The following THUMPD2 variants were observed in gnomAD, a reference collection of about 807,000 sequenced individuals.
THUMPD2 encodes the protein THUMP domain 2 tRNA and snRNA guanosine methyltransferase.
Under a neutral mutation model 49.4 loss-of-function variants are expected in THUMPD2, and 56 were observed. The observed-to-expected ratio is 1.13, with a 90% CI of 0.91 to 1.41. The LOEUF is 1.41. THUMPD2 is among the 40% of genes most tolerant of loss of function. THUMPD2 has a pLI of 0.00. For missense variants in THUMPD2, 709 were observed against 594.5 expected, an observed-to-expected ratio of 1.19 and a Z score of -2.00; for synonymous variants, 237 against 205.2, an observed-to-expected ratio of 1.15 and a Z score of -1.32.
intron 6 of THUMPD2, among the ~76,000 whole-genome samples, chr2:39,756,909 G>GTAATAATAA (rs147238410): frequency 1.2e-4 from 17 of 143,616 alleles, no homozygotes; most frequent in South Asian, 4.5e-4. Context: ...AAGCTAAAAT[G>GTAATAATAA]TAATAATAAT....
At chr2:39,741,410 C>T (rs1354571768) in intron 9 of THUMPD2, among the ~76,000 whole-genome samples, 1 of 152,174 alleles carries the variant, frequency 6.6e-6, no homozygotes, top group Non-Finnish European at 1.5e-5. Context: ...ATGTGGTCTC[C>T]TTTTCAATTC....
intron 8 of THUMPD2, among the ~76,000 whole-genome samples, chr2:39,749,655 C>A (rs1416826573): frequency 1.3e-5 from 2 of 152,050 alleles, no homozygotes; most frequent in Non-Finnish European, 2.9e-5. Flanking sequence ...TATGGGTTTG[C>A]TACATAATGT....
rs767602843 is a variant in THUMPD2, at chr2:39,770,089, A to T, written c.293T>A (p.Ile98Lys). The T allele has an allele frequency of 1.3e-6, 2 of 1,531,008 alleles. No individual in the cohort carries two copies. The highest frequency in any genetic ancestry group is 1.7e-6 in the Non-Finnish European group (2 of 1,151,444). 94.8% of individuals were successfully genotyped at this position (1,531,008 alleles called of 1,614,324 possible). A position where few individuals can be genotyped will look rare whatever the true frequency, so the allele number is the denominator to read the frequency against. ...CAACCAACTTCCTGGATCTTCATTT[A>T]TAAGTCTTTGCATTTCATTAAATAT... ...GKIFNEMQRL[I>K]NEDPGSWLNA... Residue 98 changes from isoleucine (I) to lysine (K), a missense_variant, in exon 3 of 10, where the codon ATA becomes AAA. Coordinates refer to ENST00000505747, the MANE Select transcript of THUMPD2 (RefSeq NM_025264.5).
At chr2:39,758,196 T>C (rs1430693859) in intron 6 of THUMPD2, among the ~76,000 whole-genome samples, 1 of 152,222 alleles carries the variant, frequency 6.6e-6, no homozygotes, top group African/African-American at 2.4e-5. Context: ...TATATTTAAA[T>C]ACAAACTCTG....
Position 39,768,733 on chromosome 2 carries a change from C to A in THUMPD2, c.673-232G>T, listed in dbSNP as rs1429940363. 1.7e-5 allele frequency: 12 copies of A among 698,494 alleles called. No homozygotes were observed. In the East Asian group the frequency reaches 2.4e-4, roughly 14 times the overall value. 43.3% of individuals were successfully genotyped at this position (698,494 alleles called of 1,614,324 possible). On this transcript the variant is annotated intron_variant, in intron 3 of 9. Coordinates refer to ENST00000505747, the MANE Select transcript of THUMPD2 (RefSeq NM_025264.5). Reference sequence around the variant, plus strand: ...CCCATGGCATTAATGTCTACTCATGCATAATCTCTATCCTTGTAATTTTAG... The same window carrying A: ...CCCATGGCATTAATGTCTACTCATGAATAATCTCTATCCTTGTAATTTTAG...
chr2:39,774,620 T>C (rs938188478), intron 1 of THUMPD2, among the ~76,000 whole-genome samples: 6 of 152,208 alleles, frequency 3.9e-5, no homozygotes, highest in East Asian at 1.9e-4. Flanking sequence ...GTATGATACC[T>C]TAAAATAGTA....
At chr2:39,771,832 G>C (rs979539976) in intron 1 of THUMPD2, among the ~76,000 whole-genome samples, 192 bp from the exon 2 acceptor site, 1 of 152,148 alleles carries the variant, frequency 6.6e-6, no homozygotes, top group Non-Finnish European at 1.5e-5. Context: ...CTCTAAGGTA[G>C]ATTCGATCAC....
chr2:39,755,976 T>C lies in THUMPD2; in HGVS notation c.892-16A>G, dbSNP rs1468600818. The stretch of plus-strand genomic sequence containing the variant: ...ATGCACCAGCCTGCAGACAGAAATA[T>C]TAATTTGGTATTATTAAGACTACCA... On this transcript the variant is annotated splice_polypyrimidine_tract_variant and intron_variant, in intron 6 of 9. Transcript: ENST00000505747. The C allele has an allele frequency of 6.2e-7, 1 of 1,611,714 alleles. No homozygotes were observed. Among genetic ancestry groups the C allele is most frequent in the Admixed American group, 1.7e-5 (1 of 59,976 alleles).
chr2:39,769,142 C>A, intron 3 of THUMPD2: 1 of 1,260,510 alleles, frequency 7.9e-7, no homozygotes, highest in Non-Finnish European at 1.0e-6. Flanking sequence ...TGAAGAGAAA[C>A]CCCAAAAGCT....
At chr2:39,762,705 T>C (rs941204628) in intron 5 of THUMPD2, among the ~76,000 whole-genome samples, 4 of 151,100 alleles carry the variant, frequency 2.6e-5, no homozygotes, top group Non-Finnish European at 5.9e-5. Context: ...TAAAACAGTT[T>C]GCACTCTAGA....
At position 39,760,601 on chromosome 2, in the gene THUMPD2, G is replaced by C. The variant is rs549524248; in HGVS notation, c.891+730C>G. Reference sequence around the variant, plus strand: ...TCTCACTGAAAGAGAGACCATCAGAGTGGAGTAAAAATAGCTATGTGTTTG... The same window carrying C: ...TCTCACTGAAAGAGAGACCATCAGACTGGAGTAAAAATAGCTATGTGTTTG... On this transcript the variant is annotated intron_variant, in intron 6 of 9. Transcript: ENST00000505747. Among the ~76,000 whole-genome samples the C allele has an allele frequency of 2.0e-5, 3 of 152,222 alleles. No individual in the cohort carries two copies. The South Asian group carries it at 6.2e-4, about 32-fold the overall frequency.
rs779082504 is a variant in THUMPD2 at position 39,755,360 on chromosome 2, G to A, written c.1013C>T (p.Thr338Ile). The A allele has an allele frequency of 4.5e-6, 7 of 1,556,668 alleles. No individual in the cohort carries two copies. The highest frequency in any genetic ancestry group is 1.7e-4 in the Middle Eastern group (1 of 5,920). Reference protein sequence around the residue: ...ADVSDSQLLGTWDNLKAAGLE... With the variant: ...ADVSDSQLLGIWDNLKAAGLE... ...GCCTGCAGCTTTCAGATTGTCCCAAGTACCTAGTAACTGTGAGTCGCTGAC... is the reference window on the plus strand; with the variant it reads ...GCCTGCAGCTTTCAGATTGTCCCAAATACCTAGTAACTGTGAGTCGCTGAC... The change falls in exon 8 of 10, where the codon ACT becomes ATT. Residue 338 changes from threonine to isoleucine, a missense_variant. Transcript: ENST00000505747.
intron 9 of THUMPD2, among the ~76,000 whole-genome samples, chr2:39,739,390 C>T (rs1673589731): frequency 6.6e-6 from 1 of 152,178 alleles, no homozygotes; most frequent in African/African-American, 2.4e-5. Flanking sequence ...ATTCTTATCA[C>T]TCACGCCCCA....
intron 4 of THUMPD2, among the ~76,000 whole-genome samples, chr2:39,767,506 A>G (rs1677688283): frequency 6.9e-6 from 1 of 145,434 alleles, no homozygotes; most frequent in African/African-American, 2.5e-5. Flanking sequence ...TGGGAGGCTG[A>G]GGCAGGAGAA....
chr2:39,779,089 C>A, intron 1 of THUMPD2, 25 bp downstream of exon 1: 1 of 1,495,210 alleles, frequency 6.7e-7, no homozygotes. Flanking sequence ...CCCACCTCCC[C>A]AGGCGCGCAG....
intron 8 of THUMPD2, among the ~76,000 whole-genome samples, chr2:39,745,471 T>C (rs969666067): frequency 6.6e-6 from 1 of 152,234 alleles, no homozygotes; most frequent in African/African-American, 2.4e-5. Flanking sequence ...TGTTTTAACC[T>C]CATGGTTTTA....
chr2:39,757,038 G>T (rs900153359), intron 6 of THUMPD2, among the ~76,000 whole-genome samples: 1 of 151,964 alleles, frequency 6.6e-6, no homozygotes, highest in Non-Finnish European at 1.5e-5. Flanking sequence ...GATGAATAGG[G>T]AAGCCAAGAA....
chr2:39,751,063 A>G (rs555644185), intron 8 of THUMPD2, among the ~76,000 whole-genome samples: 5 of 152,310 alleles, frequency 3.3e-5, no homozygotes, highest in East Asian at 3.9e-4. Flanking sequence ...CTTATCCCCT[A>G]TTTTCTACAC....
Position 39,737,024 on chromosome 2 carries a change from A to C in THUMPD2, c.1223T>G (p.Leu408Arg). 1 of 1,613,720 alleles carries C rather than the reference A, an allele frequency of 6.2e-7. No homozygotes were observed. Among genetic ancestry groups the C allele is most frequent in the Non-Finnish European group, 8.5e-7 (1 of 1,179,696 alleles). ...LHVGGTIVLL[L>R]SEDHHRRLTD... ...AAGGCGCCTGTGGTGATCTTCACTAAGCAACAATACAATGGTTCCGCCAAC... is the reference window on the plus strand; with the variant it reads ...AAGGCGCCTGTGGTGATCTTCACTACGCAACAATACAATGGTTCCGCCAAC... The change falls in exon 10 of 10, where the codon CTT (leucine) becomes CGT (arginine). Residue 408 changes from leucine to arginine, a missense_variant. Transcript: ENST00000505747.
Sources: gnomAD v4.1 joint callset for allele counts (sites outside exome capture counted in the v4.1 genomes callset) on GRCh38, gnomAD v4.1.1 for gene constraint, MANE v1.5 for transcripts, NCBI Gene and HGNC (gene_info 2026-07-23, HGNC 2026-07-21) for gene names.